The following MANBA variants were observed in gnomAD, a reference collection of about 807,000 sequenced individuals.
The protein encoded by MANBA is beta-mannosidase.
MANBA carries 83 observed loss-of-function variants against 111.1 expected under a neutral mutation model. That is an observed-to-expected ratio of 0.75 (90% CI 0.63 to 0.90). The LOEUF (loss-of-function observed/expected upper bound fraction) is 0.90, where lower values mean the gene tolerates loss of function less well. Ranked by LOEUF, MANBA falls within the 40% of genes least tolerant of loss-of-function variation. The pLI is 0.00. For missense variants in MANBA, 1,036 were observed against 1,069.0 expected, an observed-to-expected ratio of 0.97 and a Z score of 0.43; for synonymous variants, 370 against 378.7, an observed-to-expected ratio of 0.98 and a Z score of 0.27.
chr4:102,719,394 T>G (rs1361577724), intron 4 of MANBA, among the ~76,000 whole-genome samples: 2 of 152,218 alleles, frequency 1.3e-5, no homozygotes, highest in Non-Finnish European at 2.9e-5. Flanking sequence ...TCTGTTCTTT[T>G]TCAGGGTGCA....
chr4:102,701,109 T>C (rs1216095916), intron 5 of MANBA, among the ~76,000 whole-genome samples: 2 of 152,214 alleles, frequency 1.3e-5, no homozygotes, highest in African/African-American at 2.4e-5. Flanking sequence ...TTTACCATTA[T>C]GTAATGGCCT....
chr4:102,676,275 T>C (rs1578892929), intron 7 of MANBA, among the ~76,000 whole-genome samples: 1 of 152,122 alleles, frequency 6.6e-6, no homozygotes, highest in Admixed American at 6.6e-5. Context: ...TCATTCACAG[T>C]ATGAAGAAAA....
intron 1 of MANBA, chr4:102,753,725 G>A (rs1186309745): frequency 1.9e-5 from 3 of 158,910 alleles, no homozygotes; most frequent in African/African-American, 7.2e-5. Flanking sequence ...TAATAAATGG[G>A]ACATTTGGGG....
chr4:102,731,092 A>C (rs1007548830), intron 1 of MANBA, among the ~76,000 whole-genome samples: 3 of 151,422 alleles, frequency 2.0e-5, no homozygotes, highest in Admixed American at 6.6e-5. Context: ...GAGGATAAAA[A>C]CCCCCTGGTC....
rs72663142 is a variant in MANBA at position 102,664,643 on chromosome 4, G to T, written c.1485+42C>A. 4,050 of 1,561,536 alleles carry T rather than the reference G, an allele frequency of 2.6e-3. 5 individuals carry two copies. The highest frequency in any genetic ancestry group is 3.3e-3 in the Non-Finnish European group (3,756 of 1,132,550). On this transcript the variant is annotated intron_variant, in intron 11 of 16. Transcript: ENST00000647097. ...GTGAGCCACCACGCCCAGCCCTAAA[G>T]ATACATTCTTAAATTCTACTGCATT... is the stretch of plus-strand genomic sequence containing the variant.
At chr4:102,653,388 T>G (rs1404695884) in intron 12 of MANBA, among the ~76,000 whole-genome samples, 1 of 152,208 alleles carries the variant, frequency 6.6e-6, no homozygotes, top group Non-Finnish European at 1.5e-5. Context: ...TCCAGTTCTG[T>G]TTATTCCAAA....
At chr4:102,758,845 C>T (rs1217799908) in intron 1 of MANBA, among the ~76,000 whole-genome samples, 1 of 152,086 alleles carries the variant, frequency 6.6e-6, no homozygotes, top group African/African-American at 2.4e-5. Context: ...TTCAACAGGC[C>T]TTGTGTTTCC....
At chr4:102,656,272 G>C (rs577507100) in intron 12 of MANBA, among the ~76,000 whole-genome samples, 1 of 152,040 alleles carries the variant, frequency 6.6e-6, no homozygotes, top group Non-Finnish European at 1.5e-5. Context: ...AAACAAAATG[G>C]CTAAAGGATT....
At chr4:102,734,702 T>A (rs952531046) in intron 1 of MANBA, 1 of 912,028 alleles carries the variant, frequency 1.1e-6, no homozygotes, top group African/African-American at 1.7e-5. Flanking sequence ...CCCCTCTCCA[T>A]CCCAGGTTCA....
At chr4:102,652,026 T>C (rs1452854571) in intron 12 of MANBA, among the ~76,000 whole-genome samples, 1 of 152,218 alleles carries the variant, frequency 6.6e-6, no homozygotes, top group Non-Finnish European at 1.5e-5. Flanking sequence ...GATACATGTA[T>C]ACAATGTATA....
At chr4:102,702,425 G>C (rs190436777) in intron 5 of MANBA, among the ~76,000 whole-genome samples, 1 of 152,282 alleles carries the variant, frequency 6.6e-6, no homozygotes, top group East Asian at 1.9e-4. Context: ...TGGAGGAGGA[G>C]AGGTGCTCTG....
At chr4:102,691,987 G>T (rs952854887) in intron 5 of MANBA, among the ~76,000 whole-genome samples, 1 of 152,178 alleles carries the variant, frequency 6.6e-6, no homozygotes, top group Non-Finnish European at 1.5e-5. Flanking sequence ...TGATGAGGGG[G>T]TCAGCATAAT....
At chr4:102,737,683 C>T (rs1225602959) in intron 1 of MANBA, among the ~76,000 whole-genome samples, 3 of 152,064 alleles carry the variant, frequency 2.0e-5, no homozygotes, top group South Asian at 2.1e-4. Flanking sequence ...AGGGTTTCAT[C>T]GTGTTAGCCA....
At chr4:102,637,647 A>G (rs574862241) in intron 14 of MANBA, among the ~76,000 whole-genome samples, 3 of 152,334 alleles carry the variant, frequency 2.0e-5, no homozygotes, top group East Asian at 3.9e-4. Context: ...AGGAACAAGT[A>G]TTCATCTACA....
At chr4:102,741,142 T>C (rs1032095577) in intron 1 of MANBA, among the ~76,000 whole-genome samples, 1 of 152,012 alleles carries the variant, frequency 6.6e-6, no homozygotes, top group Non-Finnish European at 1.5e-5. Context: ...GCTAAGGACA[T>C]GAATAGACAA....
At chr4:102,668,101 T>G (rs1041890003) in intron 10 of MANBA, 3 of 152,228 alleles carry the variant, frequency 2.0e-5, no homozygotes, top group Non-Finnish European at 4.4e-5. Flanking sequence ...TGATTCTACA[T>G]GGAAACCCAT....
At chr4:102,735,388 C>T (rs1292347137) in intron 1 of MANBA, among the ~76,000 whole-genome samples, 1 of 151,838 alleles carries the variant, frequency 6.6e-6, no homozygotes, top group Non-Finnish European at 1.5e-5. Context: ...ATCCCCCATT[C>T]CTTCAATTCT....
At chr4:102,677,429 A>G (rs1342892592) in intron 7 of MANBA, among the ~76,000 whole-genome samples, 4 of 152,230 alleles carry the variant, frequency 2.6e-5, no homozygotes, top group Admixed American at 1.3e-4. Context: ...AAATGTTTCA[A>G]CATTTGGAAG....
At chr4:102,649,052 A>T (rs567630425) in intron 13 of MANBA, among the ~76,000 whole-genome samples, 1 of 152,216 alleles carries the variant, frequency 6.6e-6, no homozygotes, top group South Asian at 2.1e-4. Flanking sequence ...TACCTGCAAG[A>T]CTCATCCAAG....
Sources: gnomAD v4.1 joint callset for allele counts (sites outside exome capture counted in the v4.1 genomes callset) on GRCh38, gnomAD v4.1.1 for gene constraint, MANE v1.5 for transcripts, NCBI Gene and HGNC (gene_info 2026-07-23, HGNC 2026-07-21) for gene names.